LITAF: variants seen among roughly 807,000 people sequenced by gnomAD.
The protein encoded by LITAF is lipopolysaccharide-induced tumor necrosis factor-alpha factor.
In LITAF, 9 loss-of-function variants were observed where a neutral mutation model predicts 14.5. That is an observed-to-expected ratio of 0.62 (90% confidence interval 0.37 to 1.08). The LOEUF is 1.08. Ranked by LOEUF, LITAF falls within the 50% of genes least tolerant of loss-of-function variation. The pLI, the probability that LITAF is intolerant of heterozygous loss-of-function variation, is 0.01. For synonymous variants in LITAF, 98 were observed against 88.2 expected (o/e 1.11, Z -0.62); for missense variants, 206 against 213.4 (o/e 0.97, Z 0.22).
intron 3 of LITAF, among the ~76,000 whole-genome samples, chr16:11,552,165 G>C (rs1046526869): frequency 6.6e-6 from 1 of 152,196 alleles, no homozygotes; most frequent in African/African-American, 2.4e-5. Flanking sequence ...CGTGCCGGTT[G>C]CATGAGGCTC....
rs9938730 is a variant in LITAF at position 11,616,409 on chromosome 16, T to G, written c.85+17124A>C. Among the ~76,000 whole-genome samples the G allele has an allele frequency of 9.3e-3, 1,415 of 151,568 alleles. 17 individuals are homozygous for G. The highest frequency in any genetic ancestry group is 0.03 in the African/African-American group (1,242 of 41,300). ...GGAGGATTGCTTGAGGCTAGGAGGT[T>G]GAGGCTGCAGTGAGCTACGATTGTG... On this transcript the variant is annotated intron_variant, in intron 3 of 3. Coordinates refer to the LITAF transcript ENST00000574848.
chr16:11,610,196 C>T (rs939386290), intron 3 of LITAF, among the ~76,000 whole-genome samples: 7 of 152,236 alleles, frequency 4.6e-5, no homozygotes, highest in African/African-American at 1.7e-4. Flanking sequence ...CTCCTCCGCA[C>T]ACAATGGCCC....
At chr16:11,581,599 A>G (rs1202740545) in intron 1 of LITAF, among the ~76,000 whole-genome samples, 1 of 152,230 alleles carries the variant, frequency 6.6e-6, no homozygotes, top group African/African-American at 2.4e-5. Flanking sequence ...AGCCTGGCCA[A>G]CAGAACAAGG....
intron 1 of LITAF, among the ~76,000 whole-genome samples, chr16:11,596,892 G>A (rs11648827): frequency 0.14 from 21,996 of 151,826 alleles, 1,982 homozygotes; most frequent in Non-Finnish European, 0.18. Context: ...CTGGGTGCCA[G>A]GCCCTGGAAT....
chr16:11,587,688 C>T, upstream of LITAF: 1 of 220,696 alleles, frequency 4.5e-6, no homozygotes, highest in South Asian at 4.8e-5. Flanking sequence ...TCAGTAGCCC[C>T]ATTTCACATC....
intron 3 of LITAF, among the ~76,000 whole-genome samples, chr16:11,621,366 A>G (rs2065050137): frequency 6.6e-6 from 1 of 151,760 alleles, no homozygotes; most frequent in African/African-American, 2.4e-5. Context: ...ACCCAGCCCC[A>G]GCCAATTTTT....
Position 11,581,651 on chromosome 16 carries a change from G to A in LITAF, c.-6+5235C>T, listed in dbSNP as rs540343452. Among the ~76,000 whole-genome samples the A allele has an allele frequency of 4.6e-5, 7 of 152,232 alleles. No homozygotes were observed. In the South Asian group the frequency reaches 1.5e-3, roughly 32 times the overall value. On this transcript the variant is annotated intron_variant, in intron 1 of 3. Coordinates refer to ENST00000622633, the MANE Select transcript of LITAF (RefSeq NM_001136472.2). ...ATATAAGTAAATAAAGTATATTTTGGTTAAATGCCAAAGACTAAGTGGGGG... is the reference window on the plus strand; with the variant it reads ...ATATAAGTAAATAAAGTATATTTTGATTAAATGCCAAAGACTAAGTGGGGG...
At position 11,548,820 on chromosome 16, in the gene LITAF, T is replaced by TA. The variant is rs758850868; in HGVS notation, c.*816dup. The TA allele has an allele frequency of 2.1e-4, 96 of 451,982 alleles. No homozygotes were observed. The highest frequency in any genetic ancestry group is 3.1e-4 in the Non-Finnish European group (70 of 226,352). 28.0% of individuals were successfully genotyped at this position (451,982 alleles called of 1,614,324 possible). A position where few individuals can be genotyped will look rare whatever the true frequency, so the allele number is the denominator to read the frequency against. Reference sequence around the variant, plus strand: ...GTAAGACCCCATCTCTGTTTTTTTTTAAAAAAAAGAAATTCTGTTCAAAAG... The same window carrying TA: ...GTAAGACCCCATCTCTGTTTTTTTTTAAAAAAAAAGAAATTCTGTTCAAAAG... On this transcript the variant is annotated 3_prime_UTR_variant, in exon 4 of 4. Coordinates refer to ENST00000622633, the MANE Select transcript of LITAF (RefSeq NM_001136472.2).
chr16:11,569,341 A>G (rs2064506231), intron 1 of LITAF, among the ~76,000 whole-genome samples: 1 of 152,114 alleles, frequency 6.6e-6, no homozygotes, highest in South Asian at 2.1e-4. Flanking sequence ...CCTGGGCCCA[A>G]GTGATCCTCC....
upstream of LITAF, chr16:11,587,363 G>T: frequency 2.2e-6 from 1 of 452,622 alleles, no homozygotes; most frequent in Non-Finnish European, 4.4e-6. Context: ...GCGCTGGGGC[G>T]CTCCCGGCCC....
At chr16:11,602,142 G>GC (rs2064931675), upstream of LITAF, among the ~76,000 whole-genome samples, 1 of 152,148 alleles carries the variant, frequency 6.6e-6, no homozygotes, top group Non-Finnish European at 1.5e-5. Context: ...CGGACGGATT[G>GC]CCTGAGCTCA....
At chr16:11,601,573 T>C (rs1489793957), upstream of LITAF, among the ~76,000 whole-genome samples, 1 of 152,162 alleles carries the variant, frequency 6.6e-6, no homozygotes, top group Admixed American at 6.6e-5. Context: ...CTTTTGTTTA[T>C]TTATTAACTT....
intron 3 of LITAF, chr16:11,551,757 A>T: frequency 1.5e-6 from 1 of 687,572 alleles, no homozygotes; most frequent in East Asian, 2.8e-5. Flanking sequence ...GCAGGAGCCC[A>T]GGAGATCAAA....
chr16:11,570,190 C>A (rs1159558315), intron 1 of LITAF, among the ~76,000 whole-genome samples: 1 of 152,170 alleles, frequency 6.6e-6, no homozygotes, highest in Non-Finnish European at 1.5e-5. Context: ...GTTTCCTCAT[C>A]TGGAAAATGG....
In LITAF at chr16:11,586,603, C is replaced by T. The variant is rs2064810602; in HGVS notation, c.-6+283G>A. 6.6e-6 allele frequency among the ~76,000 whole-genome samples: 1 copy of T among 151,784 alleles called. No individual in the cohort carries two copies. Among genetic ancestry groups the T allele is most frequent in the Non-Finnish European group, 1.5e-5 (1 of 67,812 alleles). On this transcript the variant is annotated intron_variant, in intron 1 of 3. Transcript: ENST00000622633. This position sits in a 1 kb window ranked among gnomAD's most constrained non-coding sequence, Gnocchi z 6.5. ...GAAGGGCGCTCGTTCGGGTGGGGGC[C>T]GGACGACCCCGCCACGCGCGATCGG...
At chr16:11,627,710 G>A (rs1306625948) in intron 3 of LITAF, among the ~76,000 whole-genome samples, 1 of 152,182 alleles carries the variant, frequency 6.6e-6, no homozygotes, top group Non-Finnish European at 1.5e-5. Flanking sequence ...CAGGTGTGGT[G>A]GTGCACGCCT....
rs753060675 is a variant in LITAF at position 11,556,676 on chromosome 16, C to G, written c.55G>C (p.Ala19Pro). Residue 19 changes from alanine (A) to proline (P), a missense_variant, in exon 2 of 4, where the codon GCA becomes CCA. Transcript: ENST00000622633. ...ACTGTCTCTTCATAGGATGGAGGTG[C>G]GGATGGTGCTGAGGAAGGCCCAGTG... Reference protein sequence around the residue: ...AATGPSSAPSAPPSYEETVAV... With the variant: ...AATGPSSAPSPPPSYEETVAV... 4 of 1,614,012 alleles carry G rather than the reference C, an allele frequency of 2.5e-6. No individual in the cohort carries two copies. The highest frequency in any genetic ancestry group is 2.5e-6 in the Non-Finnish European group (3 of 1,180,040).
intron 3 of LITAF, among the ~76,000 whole-genome samples, chr16:11,612,849 G>A (rs550828378): frequency 6.6e-6 from 1 of 152,216 alleles, no homozygotes; most frequent in South Asian, 2.1e-4. Context: ...GAAGCTCTTG[G>A]GCACCATCTC....
At chr16:11,563,014 G>C (rs2064394667) in intron 1 of LITAF, among the ~76,000 whole-genome samples, 1 of 151,794 alleles carries the variant, frequency 6.6e-6, no homozygotes, top group Admixed American at 6.6e-5. Context: ...TGTAGTCCCA[G>C]CTATTAAGGA....
Sources: allele counts gnomAD v4.1 joint callset (sites outside exome capture counted in the v4.1 genomes callset), GRCh38; gene constraint gnomAD v4.1.1; non-coding constraint Gnocchi (gnomAD v3.1); transcripts MANE v1.5; gene names NCBI Gene and HGNC (gene_info 2026-07-23, HGNC 2026-07-21).